The following TRIM61 variants were observed in gnomAD, a reference collection of about 807,000 sequenced individuals.
TRIM61 encodes tripartite motif containing 61, also known as putative tripartite motif-containing protein 61.
A neutral mutation model predicts 14.2 loss-of-function variants in TRIM61; 1 was observed. The ratio of observed to expected loss-of-function variants is 0.07; its 90% CI spans 0.03 to 0.33. The LOEUF (loss-of-function observed/expected upper bound fraction) is 0.33. Among genes scored for constraint, TRIM61 ranks in the 10% least tolerant of loss-of-function variants. The pLI is 0.99. For missense variants in TRIM61, 19 were observed against 202.2 expected, an observed-to-expected ratio of 0.09 and a Z score of 5.49; for synonymous variants, 8 against 71.6, an observed-to-expected ratio of 0.11 and a Z score of 4.49.
chr4:164,956,755 T>G (rs1019789733), intron 3 of TRIM61, among the ~76,000 whole-genome samples: 1 of 151,860 alleles, frequency 6.6e-6, no homozygotes, highest in African/African-American at 2.4e-5. Flanking sequence ...CTGGCACAGG[T>G]AGGGTTGGGT....
At chr4:164,975,873 C>A (rs1024002396) in intron 2 of TRIM61, among the ~76,000 whole-genome samples, 3 of 152,150 alleles carry the variant, frequency 2.0e-5, no homozygotes, top group African/African-American at 7.2e-5. Flanking sequence ...AGGAAGGCCA[C>A]GGTCTGCTGC....
chr4:164,964,135 G>A (rs2111139636), intron 3 of TRIM61, among the ~76,000 whole-genome samples: 1 of 151,926 alleles, frequency 6.6e-6, no homozygotes, highest in Admixed American at 6.5e-5. Context: ...TGATCACGAG[G>A]TCAGGAAATC....
chr4:164,975,744 T>C (rs1048545913), intron 2 of TRIM61, among the ~76,000 whole-genome samples: 4 of 151,892 alleles, frequency 2.6e-5, no homozygotes, highest in African/African-American at 4.8e-5. Context: ...CCCCATGTGA[T>C]AGTCTGAAAT....
rs567882520 is a variant in TRIM61 at position 164,958,551 on chromosome 4, G to A, written c.526-3455C>T. 67 of 167,028 alleles carry A rather than the reference G, an allele frequency of 4.0e-4. No homozygotes were observed. The East Asian group carries it at 9.5e-3, about 24-fold the overall frequency. 10.3% of individuals were successfully genotyped at this position (167,028 alleles called of 1,614,324 possible). A position where few individuals can be genotyped will look rare whatever the true frequency, so the allele number is the denominator to read the frequency against. ...ATTCTGAATTGTCTGCCACTTACAAGCAGAAGAAAGTTTTTTTCTTTCATT... is the reference window on the plus strand; with the variant it reads ...ATTCTGAATTGTCTGCCACTTACAAACAGAAGAAAGTTTTTTTCTTTCATT... On this transcript the variant is annotated intron_variant, in intron 3 of 4. Transcript: ENST00000329314.
At chr4:164,962,692 T>TAAA (rs145808366) in intron 3 of TRIM61, among the ~76,000 whole-genome samples, 24,925 of 139,596 alleles carry the variant, frequency 0.18, 2,540 homozygotes, top group Admixed American at 0.28. Context: ...CAAGAAATGT[T>TAAA]AAAAAAAAAA....
intron 3 of TRIM61, among the ~76,000 whole-genome samples, chr4:164,965,271 G>C (rs1197826565): frequency 7.2e-6 from 1 of 139,558 alleles, no homozygotes; most frequent in African/African-American, 2.7e-5. Flanking sequence ...CTGGACAACA[G>C]AGTGAGCCTC....
intron 1 of TRIM61, among the ~76,000 whole-genome samples, chr4:164,977,191 G>A (rs1431362819): frequency 2.6e-5 from 4 of 152,142 alleles, no homozygotes; most frequent in Non-Finnish European, 5.9e-5. Flanking sequence ...AGACGACGTA[G>A]GCTGGTGGGT....
intron 3 of TRIM61, among the ~76,000 whole-genome samples, chr4:164,959,888 C>T (rs192954450): frequency 2.0e-5 from 3 of 152,190 alleles, no homozygotes; most frequent in Admixed American, 1.3e-4. Flanking sequence ...TGTGTTCTCC[C>T]GAAAAAGTAT....
chr4:164,970,365 TAA>T (rs1289080077), intron 2 of TRIM61, 26 bp from the exon 3 acceptor site: 3 of 223,360 alleles, frequency 1.3e-5, no homozygotes, highest in African/African-American at 4.7e-5. Flanking sequence ...GACACCACGT[TAA>T]AATTCCATAA....
At chr4:164,975,540 CAT>C (rs1158822866) in intron 2 of TRIM61, among the ~76,000 whole-genome samples, 2 of 152,112 alleles carry the variant, frequency 1.3e-5, no homozygotes, top group African/African-American at 2.4e-5. Context: ...CTCACAAAAA[CAT>C]GTGTTGTATA....
chr4:164,962,832 T>C (rs1732166310), intron 3 of TRIM61, among the ~76,000 whole-genome samples: 1 of 152,046 alleles, frequency 6.6e-6, no homozygotes, highest in African/African-American at 2.4e-5. Context: ...AACAATAATA[T>C]ATAGTGTTTT....
chr4:164,969,075 C>CTA, intron 3 of TRIM61: 1 of 1,078,560 alleles, frequency 9.3e-7, no homozygotes, highest in Non-Finnish European at 1.1e-6. Flanking sequence ...TCTTCTGAGA[C>CTA]TATAAGTTTA....
At chr4:164,967,980 C>G (rs187054221) in intron 3 of TRIM61, among the ~76,000 whole-genome samples, 1 of 151,770 alleles carries the variant, frequency 6.6e-6, no homozygotes, top group Non-Finnish European at 1.5e-5. Flanking sequence ...GGTGAAACCC[C>G]GTCTCTATTA....
Position 164,974,359 on chromosome 4 carries a change from A to T in TRIM61, c.-338+2329T>A, listed in dbSNP as rs987169503. Among the ~76,000 whole-genome samples the T allele has an allele frequency of 5.9e-5, 9 of 152,240 alleles. 1 individual carries two copies. Among genetic ancestry groups the T allele is most frequent in the African/African-American group, 2.2e-4 (9 of 41,460 alleles). ...AATTTTAAAATACATCCTTTATTTT[A>T]AATAGCCCTCCATATTGGCAAGTTC... On this transcript the variant is annotated intron_variant, in intron 2 of 4. Coordinates refer to ENST00000329314, the MANE Select transcript of TRIM61 (RefSeq NM_001012414.3).
At chr4:164,964,280 G>A (rs1732193899) in intron 3 of TRIM61, among the ~76,000 whole-genome samples, 1 of 149,500 alleles carries the variant, frequency 6.7e-6, no homozygotes, top group South Asian at 2.1e-4. Flanking sequence ...CCCGGGAGGC[G>A]AAGCTTGCAG....
chr4:164,968,406 C>G, intron 3 of TRIM61: 1 of 984,302 alleles, frequency 1.0e-6, no homozygotes, highest in Non-Finnish European at 1.2e-6. Flanking sequence ...TACCTTGTCA[C>G]TGACCCCATA....
chr4:164,957,031 A>G lies in TRIM61; in HGVS notation c.526-1935T>C, dbSNP rs188135457. ...GCCATGTACCACAGTGGATGGAAGG[A>G]TGCGCGGTGCGGCGGGGCAGCTGTC... On this transcript the variant is annotated intron_variant, in intron 3 of 4. Transcript: ENST00000329314. 1.2e-4 allele frequency: 178 copies of G among 1,510,150 alleles called. No individual in the cohort carries two copies. The African/African-American group carries it at 2.0e-3, about 17-fold the overall frequency. 93.5% of individuals were successfully genotyped at this position (1,510,150 alleles called of 1,614,324 possible).
At chr4:164,973,580 TTAGC>T in intron 2 of TRIM61, among the ~76,000 whole-genome samples, 1 of 152,324 alleles carries the variant, frequency 6.6e-6, no homozygotes, top group South Asian at 2.1e-4. Flanking sequence ...ACTCTAACAC[TTAGC>T]TAGCTACATG....
intron 3 of TRIM61, 96 bp downstream of exon 3, chr4:164,968,185 G>C: frequency 3.0e-6 from 3 of 984,834 alleles, no homozygotes; most frequent in Non-Finnish European, 3.6e-6. Context: ...AAAAGAAAAA[G>C]AAAAGAGGCT....
Sources: allele counts gnomAD v4.1 joint callset (sites outside exome capture counted in the v4.1 genomes callset), GRCh38; gene constraint gnomAD v4.1.1; transcripts MANE v1.5; gene names NCBI Gene and HGNC (gene_info 2026-07-23, HGNC 2026-07-21).